Variants in ZDHHC14 observed in about 807,000 individuals in gnomAD.
ZDHHC14 encodes zDHHC palmitoyltransferase 14.
ZDHHC14 carries 16 observed loss-of-function variants against 47.7 expected under a neutral mutation model. The observed-to-expected ratio is 0.34, with a 90% CI of 0.23 to 0.51. ZDHHC14 has a LOEUF of 0.51. ZDHHC14 is among the 20% of genes least tolerant of loss of function. The pLI, the probability that ZDHHC14 is intolerant of heterozygous loss-of-function variation, is 0.97. For synonymous variants in ZDHHC14, 293 were observed against 278.9 expected (o/e 1.05, Z -0.50); for missense variants, 515 against 662.5 (o/e 0.78, Z 2.44).
At chr6:157,650,839 G>A (rs1470475133) in intron 7 of ZDHHC14, among the ~76,000 whole-genome samples, 1 of 152,170 alleles carries the variant, frequency 6.6e-6, no homozygotes, top group African/African-American at 2.4e-5. Context: ...AGCTAGTCCT[G>A]TCTCCCCACC....
chr6:157,397,606 A>C (rs1028066887), intron 1 of ZDHHC14, among the ~76,000 whole-genome samples: 1 of 152,162 alleles, frequency 6.6e-6, no homozygotes, highest in Non-Finnish European at 1.5e-5. Context: ...ATGACCCAGG[A>C]GTTTCAGCTC....
intron 3 of ZDHHC14, among the ~76,000 whole-genome samples, chr6:157,606,687 G>A (rs1031525579): frequency 1.2e-4 from 18 of 152,312 alleles, no homozygotes. Context: ...GTGCAGAAGT[G>A]CAGCTTGGGA....
chr6:157,654,990 C>T (rs1778020870), intron 8 of ZDHHC14, among the ~76,000 whole-genome samples: 1 of 152,162 alleles, frequency 6.6e-6, no homozygotes. Flanking sequence ...CTGCCTCGGC[C>T]TCCCAAAGTG....
intron 1 of ZDHHC14, among the ~76,000 whole-genome samples, chr6:157,428,915 C>T (rs536255452): frequency 6.6e-6 from 1 of 152,132 alleles, no homozygotes; most frequent in African/African-American, 2.4e-5. Flanking sequence ...AGCCATGTAC[C>T]TGGTTGACAG....
At chr6:157,602,928 A>G (rs188411290) in intron 3 of ZDHHC14, among the ~76,000 whole-genome samples, 66 of 152,316 alleles carry the variant, frequency 4.3e-4, no homozygotes, top group Non-Finnish European at 7.6e-4. Context: ...TTAAAAATCA[A>G]TCAAACAATC....
At chr6:157,515,501 G>A (rs1467172797) in intron 1 of ZDHHC14, among the ~76,000 whole-genome samples, 1 of 129,174 alleles carries the variant, frequency 7.7e-6, no homozygotes, top group Admixed American at 9.3e-5. Flanking sequence ...TTGCTCTGTC[G>A]CCCAGGCTGG....
chr6:157,615,458 C>A (rs918285707), intron 3 of ZDHHC14, among the ~76,000 whole-genome samples: 33 of 152,180 alleles, frequency 2.2e-4, no homozygotes, highest in Non-Finnish European at 2.9e-5. Context: ...GCTGGGCTGG[C>A]CAGCACTTCC....
intron 2 of ZDHHC14, among the ~76,000 whole-genome samples, chr6:157,545,415 G>A (rs1453057762): frequency 7.2e-5 from 11 of 151,896 alleles, no homozygotes; most frequent in African/African-American, 1.2e-4. Flanking sequence ...AGTGGCTCAC[G>A]CCTGTAATCC....
At chr6:157,419,811 G>T (rs1778059801) in intron 1 of ZDHHC14, among the ~76,000 whole-genome samples, 1 of 152,212 alleles carries the variant, frequency 6.6e-6, no homozygotes, top group African/African-American at 2.4e-5. Context: ...TTCAGGGGAC[G>T]TGATTGCTGG....
chr6:157,467,573 G>A (rs2114821837), intron 1 of ZDHHC14, among the ~76,000 whole-genome samples: 1 of 147,342 alleles, frequency 6.8e-6, no homozygotes, highest in South Asian at 2.1e-4. Flanking sequence ...ATTTTGAGAT[G>A]GAGCCTCACT....
At chr6:157,591,606 T>C (rs762178335) in intron 2 of ZDHHC14, among the ~76,000 whole-genome samples, 1 of 152,184 alleles carries the variant, frequency 6.6e-6, no homozygotes, top group Non-Finnish European at 1.5e-5. Context: ...GTCTCAGGTA[T>C]GTCTTTATTG....
At chr6:157,561,179 A>G (rs969941964) in intron 2 of ZDHHC14, among the ~76,000 whole-genome samples, 2 of 152,154 alleles carry the variant, frequency 1.3e-5, no homozygotes, top group Admixed American at 6.5e-5. Flanking sequence ...TACACCTGAG[A>G]ACGACATTCA....
intron 1 of ZDHHC14, among the ~76,000 whole-genome samples, chr6:157,484,346 G>T (rs867940138): frequency 7.4e-6 from 1 of 134,542 alleles, no homozygotes; most frequent in Non-Finnish European, 1.6e-5. Flanking sequence ...TACATTATAC[G>T]TATATATACA....
chr6:157,643,512 G>T (rs1439916592), intron 5 of ZDHHC14, among the ~76,000 whole-genome samples: 1 of 151,284 alleles, frequency 6.6e-6, no homozygotes, highest in Non-Finnish European at 1.5e-5. Flanking sequence ...GCCATGCATG[G>T]TGGTGGGCAC....
At chr6:157,455,553 G>A (rs911241090) in intron 1 of ZDHHC14, among the ~76,000 whole-genome samples, 2 of 152,128 alleles carry the variant, frequency 1.3e-5, no homozygotes, top group Admixed American at 6.6e-5. Flanking sequence ...TGATGCCGCC[G>A]GCCTTTGTGC....
At chr6:157,474,573 ACTTAT>A (rs1180432509) in intron 1 of ZDHHC14, among the ~76,000 whole-genome samples, 6 of 152,148 alleles carry the variant, frequency 3.9e-5, no homozygotes, top group Non-Finnish European at 8.8e-5. Flanking sequence ...CCTTGCCAAC[ACTTAT>A]CTTTTGTCTT....
chr6:157,546,504 G>T (rs974076907), intron 2 of ZDHHC14, among the ~76,000 whole-genome samples: 12 of 152,056 alleles, frequency 7.9e-5, no homozygotes, highest in African/African-American at 2.7e-4. Flanking sequence ...GAGGGCTCTG[G>T]GCTTCAGAGT....
intron 3 of ZDHHC14, among the ~76,000 whole-genome samples, chr6:157,595,941 G>A (rs1417976989): frequency 6.6e-6 from 1 of 152,198 alleles, no homozygotes; most frequent in African/African-American, 2.4e-5. Context: ...GGGAAGTTTG[G>A]GGCAGGATCT....
At chr6:157,479,139 G>T (rs1779559324) in intron 1 of ZDHHC14, among the ~76,000 whole-genome samples, 1 of 152,196 alleles carries the variant, frequency 6.6e-6, no homozygotes, top group South Asian at 2.1e-4. Flanking sequence ...CCTGGATTTA[G>T]GTCCCACCTC....
Sources: allele counts gnomAD v4.1 joint callset (sites outside exome capture counted in the v4.1 genomes callset), GRCh38; gene constraint gnomAD v4.1.1; transcripts MANE v1.5; gene names NCBI Gene and HGNC (gene_info 2026-07-23, HGNC 2026-07-21).